GLI3: variants seen among roughly 807,000 people sequenced by gnomAD.
GLI3 encodes GLI family zinc finger 3, also known as transcription activator GLI3.
GLI3 carries 20 observed loss-of-function variants against 100.8 expected under a neutral mutation model. The ratio of observed to expected loss-of-function variants is 0.20; its 90% confidence interval spans 0.14 to 0.29. The LOEUF is 0.29. Among genes scored for constraint, GLI3 ranks in the 10% least tolerant of loss-of-function variants. The pLI is 1.00. For synonymous variants in GLI3, 938 were observed against 860.5 expected (o/e 1.09, Z -1.58); for missense variants, 2,040 against 2,128.5 (o/e 0.96, Z 0.82).
chr7:41,974,198 C>T (rs1041538469), intron 12 of GLI3, among the ~76,000 whole-genome samples: 2 of 152,142 alleles, frequency 1.3e-5, no homozygotes, highest in East Asian at 1.9e-4. Context: ...GAACCAAGGA[C>T]GCAGCCAATA....
intron 10 of GLI3, among the ~76,000 whole-genome samples, chr7:42,005,110 C>T (rs184141736): frequency 1.4e-3 from 213 of 152,176 alleles, no homozygotes; most frequent in African/African-American, 4.6e-3. Flanking sequence ...ACATGAAGTA[C>T]AGACTCAATT....
chr7:42,148,876 G>A (rs1017117210), intron 2 of GLI3, among the ~76,000 whole-genome samples: 10 of 152,172 alleles, frequency 6.6e-5, no homozygotes, highest in Non-Finnish European at 1.5e-4. Context: ...TGCCTGCCTG[G>A]GGACGCGGGG....
At chr7:42,037,144 A>T (rs892201198) in intron 7 of GLI3, among the ~76,000 whole-genome samples, 12 of 152,162 alleles carry the variant, frequency 7.9e-5, no homozygotes, top group African/African-American at 2.9e-4. Context: ...CTGTCTCAAA[A>T]AAAAATAATA....
At chr7:42,163,383 G>A (rs1342678690) in intron 2 of GLI3, among the ~76,000 whole-genome samples, 1 of 150,310 alleles carries the variant, frequency 6.7e-6, no homozygotes, top group Non-Finnish European at 1.5e-5. Context: ...CTGAGTCCTT[G>A]TTGAATTCAA....
upstream of GLI3, chr7:42,238,003 G>GCCGCCTCCTCCT (rs1260875008): frequency 5.0e-5 from 7 of 140,528 alleles, no homozygotes; most frequent in African/African-American, 1.4e-4. Flanking sequence ...CGCCGCCGCC[G>GCCGCCTCCTCCT]CCTCCTCCTC....
intron 4 of GLI3, among the ~76,000 whole-genome samples, chr7:42,074,690 G>A (rs938652130): frequency 2.0e-5 from 3 of 152,114 alleles, no homozygotes; most frequent in Non-Finnish European, 4.4e-5. Flanking sequence ...GGCCCTGCCA[G>A]GATGCACTAA....
chr7:42,244,529 C>T (rs1788953722), intron 1 of GLI3, among the ~76,000 whole-genome samples: 1 of 151,556 alleles, frequency 6.6e-6, no homozygotes, highest in African/African-American at 2.4e-5. Context: ...ATTAATAGTG[C>T]CTGAGCAACT....
At chr7:42,167,110 A>T (rs1272911106) in intron 2 of GLI3, among the ~76,000 whole-genome samples, 2 of 152,098 alleles carry the variant, frequency 1.3e-5, no homozygotes, top group Non-Finnish European at 2.9e-5. Flanking sequence ...TGCAGACATG[A>T]GCCACTGTGC....
intron 1 of GLI3, among the ~76,000 whole-genome samples, chr7:42,224,753 G>C (rs751878313): frequency 2.6e-5 from 4 of 152,206 alleles, no homozygotes; most frequent in Non-Finnish European, 4.4e-5. Flanking sequence ...TGCAGCCACC[G>C]TGCGTGAGTC....
chr7:42,119,877 T>G (rs771858689), intron 3 of GLI3, among the ~76,000 whole-genome samples: 1 of 152,168 alleles, frequency 6.6e-6, no homozygotes, highest in East Asian at 1.9e-4. Context: ...TGGTTCCCAG[T>G]GTGAAATTTG....
Position 41,972,444 on chromosome 7 carries a change from C to T in GLI3, c.1996G>A (p.Gly666Ser), listed in dbSNP as rs745961065. 6.2e-7 allele frequency: 1 copy of T among 1,613,572 alleles called. No individual in the cohort carries two copies. Among genetic ancestry groups the T allele is most frequent in the South Asian group, 1.1e-5 (1 of 91,050 alleles). Residue 666 changes from glycine to serine, a missense_variant, in exon 13 of 15, where the codon GGC (glycine) becomes AGC (serine). Gly to Ser is a moderately conservative substitution (Grantham distance 56, BLOSUM62 0). Coordinates refer to ENST00000395925, the MANE Select transcript of GLI3 (RefSeq NM_000168.6). This position sits in a 1 kb window ranked among gnomAD's most constrained non-coding sequence, Gnocchi z 4.4. ...CCAAGGGCTCCCTGAGTCGGTCGGCCAGGCGACCTGGACTGTGAATGGCTG... is the reference window on the plus strand; with the variant it reads ...CCAAGGGCTCCCTGAGTCGGTCGGCTAGGCGACCTGGACTGTGAATGGCTG... ...SGSHSQSRSPGRPTQGALGEQ... is the reference protein window; with the variant it reads ...SGSHSQSRSPSRPTQGALGEQ...
intron 2 of GLI3, among the ~76,000 whole-genome samples, chr7:42,183,863 C>A (rs531398267): frequency 6.6e-6 from 1 of 152,258 alleles, no homozygotes; most frequent in South Asian, 2.1e-4. Context: ...TAGCTCTCCT[C>A]CTGCCCCACA....
At chr7:42,143,460 A>G (rs1443043464) in intron 3 of GLI3, among the ~76,000 whole-genome samples, 1 of 152,242 alleles carries the variant, frequency 6.6e-6, no homozygotes, top group African/African-American at 2.4e-5. Context: ...AGTATGAGCA[A>G]GTGTACCTAT....
chr7:42,034,114 A>G (rs1158327093), intron 7 of GLI3, among the ~76,000 whole-genome samples: 1 of 152,228 alleles, frequency 6.6e-6, no homozygotes, highest in African/African-American at 2.4e-5. Context: ...CTCATCAGGT[A>G]TGTTAGATGT....
chr7:42,025,525 A>T (rs986144519), intron 8 of GLI3, 148 bp from the exon 9 acceptor site: 4 of 701,528 alleles, frequency 5.7e-6, no homozygotes, highest in African/African-American at 5.2e-5. Flanking sequence ...CAGTGTAAGC[A>T]GAGTTCAGAT....
chr7:42,122,019 C>A (rs1056968292), intron 3 of GLI3, among the ~76,000 whole-genome samples: 4 of 152,026 alleles, frequency 2.6e-5, no homozygotes, highest in Admixed American at 2.0e-4. Flanking sequence ...CCATTACCTC[C>A]CAGGCTTCCA....
intron 2 of GLI3, among the ~76,000 whole-genome samples, chr7:42,192,485 T>G (rs980975166): frequency 6.6e-6 from 1 of 152,172 alleles, no homozygotes; most frequent in African/African-American, 2.4e-5. Flanking sequence ...ATGCTAAAAT[T>G]TAAAACAGCT....
intron 10 of GLI3, among the ~76,000 whole-genome samples, chr7:42,018,530 A>G (rs948048564): frequency 6.6e-6 from 1 of 152,244 alleles, no homozygotes; most frequent in Admixed American, 6.5e-5. Context: ...ATGTCTTCAC[A>G]TCCTAACTCT....
upstream of GLI3, among the ~76,000 whole-genome samples, chr7:42,237,228 C>T (rs796694201): frequency 1.6e-4 from 24 of 151,260 alleles, no homozygotes; most frequent in African/African-American, 5.3e-4. Context: ...GCCGGTGGCG[C>T]TGCCCCTGCC....
Sources: allele counts gnomAD v4.1 joint callset (sites outside exome capture counted in the v4.1 genomes callset), GRCh38; gene constraint gnomAD v4.1.1; non-coding constraint Gnocchi (gnomAD v3.1); transcripts MANE v1.5; gene names NCBI Gene and HGNC (gene_info 2026-07-23, HGNC 2026-07-21).